The following SLIT2 variants were observed in gnomAD, a reference collection of about 807,000 sequenced individuals.
SLIT2 encodes the protein slit guidance ligand 2.
Under a neutral mutation model 185.7 loss-of-function variants are expected in SLIT2, and 41 were observed. The observed-to-expected ratio is 0.22, with a 90% CI of 0.17 to 0.29. The LOEUF is 0.29. SLIT2 is among the 10% of genes least tolerant of loss of function. The pLI is 1.00. For missense variants in SLIT2, 1,571 were observed against 1,909.0 expected, an observed-to-expected ratio of 0.82 and a Z score of 3.30; for synonymous variants, 693 against 680.2, an observed-to-expected ratio of 1.02 and a Z score of -0.29.
intron 18 of SLIT2, among the ~76,000 whole-genome samples, chr4:20,537,347 A>G (rs1254818908): frequency 6.6e-6 from 1 of 151,482 alleles, no homozygotes; most frequent in East Asian, 1.9e-4. Flanking sequence ...CTTCCTTGCA[A>G]TCTTATTGGA....
At chr4:20,482,807 A>G (rs149027254) in intron 6 of SLIT2, among the ~76,000 whole-genome samples, 95 of 152,082 alleles carry the variant, frequency 6.2e-4, no homozygotes, top group African/African-American at 2.1e-3. Context: ...AAAATTTTAT[A>G]AAGTTGATCA....
At chr4:20,417,272 T>G (rs188890714) in intron 4 of SLIT2, among the ~76,000 whole-genome samples, 3 of 151,790 alleles carry the variant, frequency 2.0e-5, no homozygotes, top group African/African-American at 7.3e-5. Flanking sequence ...GTCCATAGTC[T>G]CATGATTTGG....
intron 5 of SLIT2, among the ~76,000 whole-genome samples, chr4:20,479,391 G>T: frequency 6.6e-6 from 1 of 152,044 alleles, no homozygotes; most frequent in East Asian, 1.9e-4. Context: ...CCTCAAATAT[G>T]AATTAGCCCT....
chr4:20,461,619 G>A (rs1038924007), intron 4 of SLIT2, among the ~76,000 whole-genome samples: 1 of 152,168 alleles, frequency 6.6e-6, no homozygotes, highest in Non-Finnish European at 1.5e-5. Flanking sequence ...GCGATCAGGG[G>A]ACTAGACGTG....
chr4:20,484,885 C>T lies in SLIT2; in HGVS notation c.540-1315C>T, dbSNP rs1049706722. ...GCTAGCTTACCATATTCTTCACATT[C>T]CCCAAATGTCTGCTTTCTTCCATCT... is the stretch of plus-strand genomic sequence containing the variant. On this transcript the variant is annotated intron_variant, in intron 6 of 36. Coordinates refer to ENST00000504154, the MANE Select transcript of SLIT2 (RefSeq NM_004787.4). This position sits in a 1 kb window ranked among gnomAD's most constrained non-coding sequence, Gnocchi z 4.3. Among the ~76,000 whole-genome samples, 4 of 152,124 alleles carry T rather than the reference C, an allele frequency of 2.6e-5. No individual in the cohort carries two copies. The highest frequency in any genetic ancestry group is 3.2e-3 in the Middle Eastern group (1 of 316).
At chr4:20,472,498 ATATC>A (rs1560454541) in intron 5 of SLIT2, among the ~76,000 whole-genome samples, 4 of 27,300 alleles carry the variant, frequency 1.5e-4, no homozygotes, top group Non-Finnish European at 2.2e-4. Context: ...ATATAGATAT[ATATC>A]TATATATAGA....
intron 3 of SLIT2, among the ~76,000 whole-genome samples, chr4:20,263,586 A>T (rs1314307265): frequency 6.6e-6 from 1 of 151,898 alleles, no homozygotes; most frequent in Non-Finnish European, 1.5e-5. Context: ...TTCTAACCAG[A>T]TACAAGCTCC....
intron 18 of SLIT2, among the ~76,000 whole-genome samples, chr4:20,535,079 T>A (rs1722151405): frequency 6.6e-6 from 1 of 152,028 alleles, no homozygotes; most frequent in African/African-American, 2.4e-5. Context: ...GGTGGGCAGA[T>A]CACGAGGTCA....
chr4:20,501,157 T>C (rs77459023), intron 9 of SLIT2, among the ~76,000 whole-genome samples: 2,106 of 152,288 alleles, frequency 0.014, 48 homozygotes, highest in African/African-American at 0.048. Context: ...AGTTTTCATA[T>C]TATGATTTCA....
chr4:20,408,469 T>G (rs1223751180), intron 4 of SLIT2, among the ~76,000 whole-genome samples: 1 of 152,132 alleles, frequency 6.6e-6, no homozygotes, highest in Non-Finnish European at 1.5e-5. Flanking sequence ...TTGCCTCTAC[T>G]ATGCCCAGAT....
At chr4:20,348,327 T>C (rs1035107476) in intron 4 of SLIT2, among the ~76,000 whole-genome samples, 1 of 152,000 alleles carries the variant, frequency 6.6e-6, no homozygotes, top group Non-Finnish European at 1.5e-5. Context: ...CAACCTCCAC[T>C]TCCCAGGTTG....
intron 4 of SLIT2, among the ~76,000 whole-genome samples, chr4:20,396,128 G>C (rs73238788): frequency 0.21 from 32,468 of 151,606 alleles, 3,760 homozygotes; most frequent in Non-Finnish European, 0.27. Context: ...ATTGGATAAT[G>C]GCATTGTTCT....
chr4:20,366,980 A>G (rs1723169451), intron 4 of SLIT2, among the ~76,000 whole-genome samples: 1 of 151,822 alleles, frequency 6.6e-6, no homozygotes, highest in South Asian at 2.1e-4. Flanking sequence ...TGATATTTTT[A>G]CAGAGACAGT....
At chr4:20,365,682 G>A (rs954914649) in intron 4 of SLIT2, among the ~76,000 whole-genome samples, 2 of 152,132 alleles carry the variant, frequency 1.3e-5, no homozygotes, top group Non-Finnish European at 2.9e-5. Flanking sequence ...AAAGGAATGC[G>A]AGTGGGGACT....
Position 20,378,496 on chromosome 4 carries a change from T to C in SLIT2, c.396-89256T>C, listed in dbSNP as rs567330817. Among the ~76,000 whole-genome samples, 87 of 152,254 alleles carry C rather than the reference T, an allele frequency of 5.7e-4. No homozygotes were observed. In the South Asian group the frequency reaches 0.015, roughly 25 times the overall value. On this transcript the variant is annotated intron_variant, in intron 4 of 36. Coordinates refer to ENST00000504154, the MANE Select transcript of SLIT2 (RefSeq NM_004787.4). ...AGTTTCAGAAGATTTTGAGCTTTTT[T>C]TAATTAGGAAAATGATCAGACATAC...
intron 11 of SLIT2, among the ~76,000 whole-genome samples, chr4:20,518,231 G>A (rs1720425701): frequency 1.1e-5 from 1 of 94,558 alleles, no homozygotes. Flanking sequence ...ACATATATAT[G>A]TGTGTGTGTA....
chr4:20,596,116 A>G (rs949352510), intron 31 of SLIT2, among the ~76,000 whole-genome samples: 4 of 152,192 alleles, frequency 2.6e-5, no homozygotes, highest in African/African-American at 9.6e-5. Context: ...AAGACAAAAA[A>G]CGTAGAACTT....
intron 4 of SLIT2, among the ~76,000 whole-genome samples, chr4:20,296,219 CACAT>C (rs1012428528): frequency 2.0e-5 from 3 of 152,082 alleles, no homozygotes; most frequent in African/African-American, 7.2e-5. Flanking sequence ...TTTATTTTCC[CACAT>C]ACTTACAGTA....
intron 34 of SLIT2, among the ~76,000 whole-genome samples, chr4:20,610,701 C>A (rs1729142433): frequency 6.6e-6 from 1 of 151,992 alleles, no homozygotes; most frequent in African/African-American, 2.4e-5. Flanking sequence ...CAATGACTGA[C>A]TGAATGAATG....
Sources: gnomAD v4.1 joint callset for allele counts (sites outside exome capture counted in the v4.1 genomes callset) on GRCh38, gnomAD v4.1.1 for gene constraint, Gnocchi (gnomAD v3.1) non-coding constraint, MANE v1.5 for transcripts, NCBI Gene and HGNC (gene_info 2026-07-23, HGNC 2026-07-21) for gene names.